The following NKAIN3 variants were observed in gnomAD, a reference collection of about 807,000 sequenced individuals.
NKAIN3 encodes sodium/potassium transporting ATPase interacting 3, also known as sodium/potassium-transporting ATPase subunit beta-1-interacting protein 3.
Under a neutral mutation model 30.2 loss-of-function variants are expected in NKAIN3, and 25 were observed. The observed-to-expected ratio is 0.83, with a 90% CI of 0.60 to 1.16. The LOEUF (loss-of-function observed/expected upper bound fraction) is 1.16, where lower values mean the gene tolerates loss of function less well. Among genes scored for constraint, NKAIN3 ranks in the 50% most tolerant of loss-of-function variants. The pLI, the probability that NKAIN3 is intolerant of heterozygous loss-of-function variation, is 0.00. For synonymous variants in NKAIN3, 91 were observed against 89.6 expected, an observed-to-expected ratio of 1.02 and a Z score of -0.09; for missense variants, 225 against 254.1, an observed-to-expected ratio of 0.89 and a Z score of 0.78.
At chr8:62,392,886 A>G (rs1463191362) in intron 1 of NKAIN3, among the ~76,000 whole-genome samples, 2 of 152,056 alleles carry the variant, frequency 1.3e-5, no homozygotes, top group African/African-American at 2.4e-5. Flanking sequence ...GATAAGGAAA[A>G]TTAATTTTAT....
chr8:62,871,207 C>G lies in NKAIN3; in HGVS notation c.472-47246C>G, dbSNP rs1362211771. 1.1e-4 allele frequency among the ~76,000 whole-genome samples: 17 copies of G among 151,796 alleles called. 1 individual carries two copies. The highest frequency in any genetic ancestry group is 1.1e-3 in the Admixed American group (17 of 15,202). On this transcript the variant is annotated intron_variant, in intron 4 of 6. Transcript: ENST00000623646. ...CCTGAGGTCAAGAGTTTGAGACCAG[C>G]CTGGCCAACATGGTGAAACCCCATC...
chr8:62,577,466 GT>G (rs5891863), intron 1 of NKAIN3, among the ~76,000 whole-genome samples: 3 of 118,578 alleles, frequency 2.5e-5, no homozygotes, highest in African/African-American at 7.1e-5. Flanking sequence ...TTTTTTTGTT[GT>G]TTTTTTTTTG....
At chr8:62,588,336 A>C (rs572702968) in intron 2 of NKAIN3, among the ~76,000 whole-genome samples, 6 of 151,834 alleles carry the variant, frequency 4.0e-5, no homozygotes, top group Non-Finnish European at 5.9e-5. Flanking sequence ...ATTTTTACTT[A>C]TCTTAACTTT....
At chr8:62,901,783 T>G (rs1469203452) in intron 4 of NKAIN3, among the ~76,000 whole-genome samples, 2 of 152,216 alleles carry the variant, frequency 1.3e-5, no homozygotes, top group East Asian at 3.8e-4. Context: ...TGTCTTTCTC[T>G]TACATTCTCC....
chr8:62,364,828 C>CAAGAAAAAAA (rs781245266), intron 1 of NKAIN3, among the ~76,000 whole-genome samples: 1 of 63,760 alleles, frequency 1.6e-5, no homozygotes, highest in East Asian at 4.9e-4. Flanking sequence ...GACTCCACTA[C>CAAGAAAAAAA]AAAAAAAAAA....
downstream of NKAIN3, among the ~76,000 whole-genome samples, chr8:62,987,471 A>C (rs1042874971): frequency 6.6e-6 from 1 of 152,176 alleles, no homozygotes; most frequent in Non-Finnish European, 1.5e-5. Flanking sequence ...ACAGTTCCAC[A>C]TGACTGAGGA....
In NKAIN3 at chr8:62,979,117, G is replaced by T. The variant is rs1251492222; in HGVS notation, c.*13710G>T. ...AATGCAGAAATCACCCACTTTCTGT[G>T]TTGGTCTTGCTGGGAGCTGCAGACA... is the stretch of plus-strand genomic sequence containing the variant. On this transcript the variant is annotated 3_prime_UTR_variant, in exon 7 of 7. Transcript: ENST00000623646. The T allele has an allele frequency of 1.3e-5, 2 of 152,236 alleles. No individual in the cohort carries two copies. Among genetic ancestry groups the T allele is most frequent in the African/African-American group, 2.4e-5 (1 of 41,432 alleles). The allele number at this position is 152,236 out of a possible 1,614,324, so 9.4% of individuals were successfully genotyped here.
chr8:62,272,822 G>A (rs991701545), intron 1 of NKAIN3, among the ~76,000 whole-genome samples: 5 of 152,116 alleles, frequency 3.3e-5, no homozygotes, highest in African/African-American at 1.2e-4. Context: ...CCTTAGTTCT[G>A]CAAACTAAGA....
chr8:62,801,973 T>C (rs1373963840), intron 4 of NKAIN3, among the ~76,000 whole-genome samples: 1 of 152,094 alleles, frequency 6.6e-6, no homozygotes, highest in Non-Finnish European at 1.5e-5. Context: ...GTGAAGAATG[T>C]AGAAGCCTCA....
At chr8:62,896,170 C>A (rs868485109) in intron 4 of NKAIN3, among the ~76,000 whole-genome samples, 1 of 152,054 alleles carries the variant, frequency 6.6e-6, no homozygotes, top group Non-Finnish European at 1.5e-5. Context: ...GAGGGCCCCC[C>A]TCTTGATTCA....
At chr8:62,660,844 T>G (rs1480188) in intron 3 of NKAIN3, among the ~76,000 whole-genome samples, 2 of 152,200 alleles carry the variant, frequency 1.3e-5, no homozygotes, top group African/African-American at 4.8e-5. Context: ...AGACAGAATG[T>G]GAGCAGCTGC....
At position 62,395,390 on chromosome 8, in the gene NKAIN3, C is replaced by T. The variant is rs906636447; in HGVS notation, c.54+146263C>T. 7.9e-5 allele frequency among the ~76,000 whole-genome samples: 12 copies of T among 152,140 alleles called. No individual in the cohort carries two copies. In the East Asian group the frequency reaches 1.4e-3, roughly 17 times the overall value. On this transcript the variant is annotated intron_variant, in intron 1 of 6. Coordinates refer to ENST00000623646, the MANE Select transcript of NKAIN3 (RefSeq NM_001304533.3). ...GTGGTGGGGGGTGGCCCGGCAGAAG[C>T]GCTCTTCACTTCCCAGGCGGTGCGG...
At position 62,981,406 on chromosome 8, in the gene NKAIN3, T is replaced by A. The variant is rs1824072668; in HGVS notation, c.*15999T>A. On this transcript the variant is annotated 3_prime_UTR_variant, in exon 7 of 7. Transcript: ENST00000623646. ...ATATTCCATTTTAATCCTGTATAAC[T>A]CAAAGAAAATTTGGGTGTTAACACT... 6.6e-6 allele frequency: 1 copy of A among 152,196 alleles called. No individual in the cohort carries two copies. The allele number at this position is 152,196 out of a possible 1,614,324, so 9.4% of individuals were successfully genotyped here. A position where few individuals can be genotyped will look rare whatever the true frequency, so the allele number is the denominator to read the frequency against.
intron 1 of NKAIN3, among the ~76,000 whole-genome samples, chr8:62,312,570 C>T (rs139526118): frequency 1.3e-5 from 2 of 150,540 alleles, no homozygotes; most frequent in Non-Finnish European, 1.5e-5. Context: ...GTAATACTAA[C>T]ACTTTGGAAA....
intron 4 of NKAIN3, among the ~76,000 whole-genome samples, chr8:62,801,111 G>A (rs1189303399): frequency 1.7e-4 from 26 of 152,336 alleles, no homozygotes; most frequent in South Asian, 4.1e-4. Context: ...CAAAGAAGCC[G>A]GGAAGCTCCA....
chr8:62,827,827 C>T (rs1257391824), intron 4 of NKAIN3, among the ~76,000 whole-genome samples: 2 of 152,160 alleles, frequency 1.3e-5, no homozygotes, highest in Non-Finnish European at 2.9e-5. Flanking sequence ...AGTACTCACA[C>T]ATGGCTTATA....
intron 4 of NKAIN3, among the ~76,000 whole-genome samples, chr8:62,750,914 G>A (rs1405529406): frequency 2.0e-5 from 3 of 152,092 alleles, no homozygotes; most frequent in Non-Finnish European, 2.9e-5. Context: ...CTCACCTGAA[G>A]CTGGCCAGTA....
chr8:62,516,546 G>A (rs548119791), intron 1 of NKAIN3, among the ~76,000 whole-genome samples: 1 of 152,128 alleles, frequency 6.6e-6, no homozygotes, highest in South Asian at 2.1e-4. Context: ...TCTCAAAATT[G>A]TTGTTTGGTA....
chr8:62,295,879 A>G (rs912299568), intron 1 of NKAIN3, among the ~76,000 whole-genome samples: 1 of 152,228 alleles, frequency 6.6e-6, no homozygotes, highest in African/African-American at 2.4e-5. Flanking sequence ...GGATATAGCA[A>G]TGAACAAGAC....
Sources: allele counts gnomAD v4.1 joint callset (sites outside exome capture counted in the v4.1 genomes callset), GRCh38; gene constraint gnomAD v4.1.1; transcripts MANE v1.5; gene names NCBI Gene and HGNC (gene_info 2026-07-23, HGNC 2026-07-21).